ODAD3: variants seen among roughly 807,000 people sequenced by gnomAD.
ODAD3 encodes outer dynein arm-docking complex subunit 3.
In ODAD3, 57 loss-of-function variants were observed where a neutral mutation model predicts 70.9. The observed-to-expected ratio is 0.80, with a 90% confidence interval of 0.65 to 1.00. The LOEUF (loss-of-function observed/expected upper bound fraction) is 1.00, where lower values mean the gene tolerates loss of function less well. Among genes scored for constraint, ODAD3 ranks in the 50% least tolerant of loss-of-function variants. The probability of loss-of-function intolerance (pLI) is 0.00; values close to 1 mark genes in which losing one functional copy is unlikely to be tolerated. For missense variants in ODAD3, 797 were observed against 763.9 expected (o/e 1.04, Z -0.51); for synonymous variants, 327 against 315.9 (o/e 1.04, Z -0.37).
intron 3 of ODAD3, among the ~76,000 whole-genome samples, chr19:11,429,732 G>T (rs1410688891): frequency 6.6e-6 from 1 of 151,540 alleles, no homozygotes; most frequent in African/African-American, 2.4e-5. Flanking sequence ...TAGAGACGGG[G>T]TTTCACCGTG....
At chr19:11,425,386 T>TGTATATAC (rs1969315603) in intron 7 of ODAD3, among the ~76,000 whole-genome samples, 5 of 123,762 alleles carry the variant, frequency 4.0e-5, no homozygotes, top group African/African-American at 1.6e-4. Flanking sequence ...TGTGTGTATG[T>TGTATATAC]ACATATGTGT....
At position 11,426,388 on chromosome 19, in the gene ODAD3, C is replaced by G. The variant is rs1224763782; in HGVS notation, c.840+58G>C. Reference sequence around the variant, plus strand: ...GCTCAGGGACAGCTGAGGTCAGATTCTCAAGCTGGGAGACCGCGGCAGCTG... The same window carrying G: ...GCTCAGGGACAGCTGAGGTCAGATTGTCAAGCTGGGAGACCGCGGCAGCTG... On this transcript the variant is annotated intron_variant, in intron 6 of 12. Transcript: ENST00000356392. The G allele has an allele frequency of 7.4e-6, 12 of 1,611,150 alleles. No individual in the cohort carries two copies. The African/African-American group carries it at 1.3e-4, about 18-fold the overall frequency.
At chr19:11,427,184 T>C (rs1018894980) in intron 3 of ODAD3, 144 bp from the exon 4 acceptor site, 7 of 873,642 alleles carry the variant, frequency 8.0e-6, no homozygotes, top group African/African-American at 6.8e-5. Context: ...CCACCCCTTC[T>C]GTGTTGTTTT....
chr19:11,424,482 C>CA (rs200996345), intron 7 of ODAD3, among the ~76,000 whole-genome samples: 34 of 141,468 alleles, frequency 2.4e-4, no homozygotes, highest in East Asian at 1.4e-3. Context: ...GACCGTGTCT[C>CA]AAAAAAAAAT....
Position 11,420,957 on chromosome 19 carries a change from G to T in ODAD3, c.1676-10C>A, listed in dbSNP as rs774070038. ...TCCTCACTCTCTTCGTCTAAGGGGG[G>T]TGGGGGGATGAGCAGGGAGCGATGT... On this transcript the variant is annotated splice_polypyrimidine_tract_variant and intron_variant, in intron 12 of 12. Coordinates refer to ENST00000356392, the MANE Select transcript of ODAD3 (RefSeq NM_145045.5). 6.6e-5 allele frequency: 106 copies of T among 1,610,518 alleles called. No individual in the cohort carries two copies. The highest frequency in any genetic ancestry group is 2.9e-4 in the South Asian group (26 of 91,018).
chr19:11,427,927 C>T (rs1208177468), intron 3 of ODAD3, among the ~76,000 whole-genome samples: 2 of 151,728 alleles, frequency 1.3e-5, no homozygotes, highest in African/African-American at 4.8e-5. Context: ...GGTAAAACCC[C>T]GTCTCTACTA....
rs748442231 is a variant in ODAD3, at chr19:11,424,023, G to C, written c.970C>G (p.Arg324Gly). The part of the protein sequence containing the change: ...ENERMERKTH[R>G]EHLLLQSDDT... ...TCGGACTGTAGCAGCAGGTGCTCGC[G>C]GTGGGTCTGCTCGTGGGTTGAGGTC... Residue 324 changes from arginine (R) to glycine (G), a missense_variant, in exon 8 of 13, where the codon CGC (arginine) becomes GGC (glycine). Arg to Gly is a moderately radical substitution (Grantham distance 125, BLOSUM62 -2). Transcript: ENST00000356392. 57 of 1,608,476 alleles carry C rather than the reference G, an allele frequency of 3.5e-5. No homozygotes were observed. The highest frequency in any genetic ancestry group is 4.2e-5 in the Non-Finnish European group (49 of 1,179,512).
chr19:11,423,841 G>GT, intron 8 of ODAD3, 36 bp downstream of exon 8: 2 of 1,252,910 alleles, frequency 1.6e-6, no homozygotes, highest in Non-Finnish European at 2.2e-6. Context: ...GGGGTGGGGG[G>GT]GGGGCGCGGC....
At chr19:11,424,462 G>A (rs939884204) in intron 7 of ODAD3, among the ~76,000 whole-genome samples, 2 of 150,128 alleles carry the variant, frequency 1.3e-5, no homozygotes, top group African/African-American at 4.9e-5. Context: ...TAATTAGTCT[G>A]AGCGACAGAG....
chr19:11,434,261 C>T (rs1969588898), intron 1 of ODAD3, among the ~76,000 whole-genome samples: 1 of 149,318 alleles, frequency 6.7e-6, no homozygotes, highest in Non-Finnish European at 1.5e-5. Flanking sequence ...GTGGCTCACG[C>T]CTGTAATCCC....
chr19:11,420,829 A>G lies in ODAD3; in HGVS notation c.*6T>C, dbSNP rs1394367976. 4 of 1,612,250 alleles carry G rather than the reference A, an allele frequency of 2.5e-6. No homozygotes were observed. The highest frequency in any genetic ancestry group is 1.1e-5 in the South Asian group (1 of 91,056). ...AGGGGGCCGCCTGGTGGGTGTCAGGACGAGTCTAGGACCTCCGAGAGCGAC... is the reference window on the plus strand; with the variant it reads ...AGGGGGCCGCCTGGTGGGTGTCAGGGCGAGTCTAGGACCTCCGAGAGCGAC... On this transcript the variant is annotated 3_prime_UTR_variant, in exon 13 of 13. Transcript: ENST00000356392.
Position 11,421,231 on chromosome 19 carries a change from C to A in ODAD3, c.1591-19G>T, listed in dbSNP as rs541137945. 4 of 1,607,208 alleles carry A rather than the reference C, an allele frequency of 2.5e-6. No individual in the cohort carries two copies. Among genetic ancestry groups the A allele is most frequent in the African/African-American group, 1.3e-5 (1 of 74,902 alleles). ...CGAGGAACTAAGCGGGGATGGGAAG[C>A]GAGAGAGGAAGGTGGGCGGGGCCAG... On this transcript the variant is annotated intron_variant, in intron 11 of 12. Transcript: ENST00000356392.
intron 7 of ODAD3, among the ~76,000 whole-genome samples, chr19:11,424,559 A>T (rs11883357): frequency 7.2e-6 from 1 of 139,186 alleles, no homozygotes; most frequent in East Asian, 2.0e-4. Context: ...ACCTATGTGT[A>T]TATATGTATA....
At chr19:11,426,078 C>G in intron 7 of ODAD3, 66 bp downstream of exon 7, 1 of 1,559,912 alleles carries the variant, frequency 6.4e-7, no homozygotes, top group Non-Finnish European at 8.6e-7. Flanking sequence ...GAGGGAGAGC[C>G]AGGGCATGGC....
rs962106999 is a variant in ODAD3 at position 11,425,010 on chromosome 19, T to G, written c.964-981A>C. Among the ~76,000 whole-genome samples the G allele has an allele frequency of 6.0e-5, 8 of 132,646 alleles. 3 individuals carry two copies. Among genetic ancestry groups the G allele is most frequent in the African/African-American group, 2.7e-4 (8 of 29,530 alleles). 87.0% of individuals were successfully genotyped at this position (132,646 alleles called of 152,430 possible). On this transcript the variant is annotated intron_variant, in intron 7 of 12. Transcript: ENST00000356392. ...ATGTACATATGTGTATATGTATATATGTGTATATATACATATGTGCATATA... is the reference window on the plus strand; with the variant it reads ...ATGTACATATGTGTATATGTATATAGGTGTATATATACATATGTGCATATA...
Position 11,430,743 on chromosome 19 carries a change from C to T in ODAD3, c.400G>A (p.Glu134Lys), listed in dbSNP as rs757510377. 1.5e-5 allele frequency: 25 copies of T among 1,613,924 alleles called. No individual in the cohort carries two copies. The highest frequency in any genetic ancestry group is 1.6e-4 in the Middle Eastern group (1 of 6,084). The part of the protein sequence containing the change: ...DEKVVQAVIR[E>K]WKWEKPYLKN... ...AGGTATGGCTTCTCCCACTTCCATTCGCGAATCACTGCCTGGACCACTTTC... is the reference window on the plus strand; with the variant it reads ...AGGTATGGCTTCTCCCACTTCCATTTGCGAATCACTGCCTGGACCACTTTC... The change falls in exon 3 of 13, where the codon GAA becomes AAA. Residue 134 changes from glutamate (E) to lysine (K), a missense_variant. Coordinates refer to ENST00000356392, the MANE Select transcript of ODAD3 (RefSeq NM_145045.5).
intron 1 of ODAD3, 123 bp from the exon 2 acceptor site, chr19:11,431,143 C>T (rs772305433): frequency 4.7e-6 from 6 of 1,273,952 alleles, no homozygotes; most frequent in Non-Finnish European, 6.5e-6. Context: ...TGGAGTTTCA[C>T]TCTTGTTGCC....
At chr19:11,423,842 G>T (rs1377515105) in intron 8 of ODAD3, 35 bp downstream of exon 8, 2 of 1,189,294 alleles carry the variant, frequency 1.7e-6, no homozygotes, top group East Asian at 3.2e-5. Context: ...GGGTGGGGGG[G>T]GGGCGCGGCG....
At position 11,435,059 on chromosome 19, in the gene ODAD3, C is replaced by T. The variant is rs764782643; in HGVS notation, c.-43G>A. On this transcript the variant is annotated 5_prime_UTR_variant, in exon 1 of 13. Coordinates refer to ENST00000356392, the MANE Select transcript of ODAD3 (RefSeq NM_145045.5). ...AGGCCCCTAGGGGTTAGGGGGATAA[C>T]TAGGAGTCAGTCGCCCCTGTCAGGG... 1 of 1,555,156 alleles carries T rather than the reference C, an allele frequency of 6.4e-7. No homozygotes were observed. Among genetic ancestry groups the T allele is most frequent in the Non-Finnish European group, 8.7e-7 (1 of 1,153,634 alleles).
Sources: gnomAD v4.1 joint callset for allele counts (sites outside exome capture counted in the v4.1 genomes callset) on GRCh38, gnomAD v4.1.1 for gene constraint, MANE v1.5 for transcripts, NCBI Gene and HGNC (gene_info 2026-07-23, HGNC 2026-07-21) for gene names.